GRM5: variants seen among roughly 807,000 people sequenced by gnomAD.
GRM5 encodes the protein metabotropic glutamate receptor 5.
In GRM5, 19 loss-of-function variants were observed where a neutral mutation model predicts 83.1. The ratio of observed to expected loss-of-function variants is 0.23; its 90% CI spans 0.16 to 0.34. The LOEUF is 0.34. GRM5 is among the 10% of genes least tolerant of loss of function. GRM5 has a pLI of 1.00. For synonymous variants in GRM5, 675 were observed against 633.6 expected, an observed-to-expected ratio of 1.07 and a Z score of -0.98; for missense variants, 1,160 against 1,588.3, an observed-to-expected ratio of 0.73 and a Z score of 4.58.
chr11:88,602,005 G>A (rs888074666), intron 5 of GRM5, among the ~76,000 whole-genome samples: 1 of 152,070 alleles, frequency 6.6e-6, no homozygotes, highest in African/African-American at 2.4e-5. Flanking sequence ...GATCTAGTCT[G>A]TTAATGGTAA....
chr11:88,942,695 C>A (rs990795736), intron 2 of GRM5, among the ~76,000 whole-genome samples: 2 of 151,218 alleles, frequency 1.3e-5, no homozygotes, highest in Admixed American at 6.6e-5. Flanking sequence ...ATATAATGAC[C>A]TAGATTTGTC....
At chr11:89,034,079 T>G (rs1337192865) in intron 2 of GRM5, among the ~76,000 whole-genome samples, 2 of 151,620 alleles carry the variant, frequency 1.3e-5, no homozygotes, top group Non-Finnish European at 3.0e-5. Flanking sequence ...AAAAATAAAT[T>G]GTTTCACTGT....
At chr11:88,544,627 G>T (rs114666129) in intron 8 of GRM5, among the ~76,000 whole-genome samples, 5,255 of 152,306 alleles carry the variant, frequency 0.035, 173 homozygotes, top group African/African-American at 0.087. Context: ...TGGCAATACA[G>T]TCCTAGTGTA....
chr11:88,626,422 A>G (rs1030377949), intron 4 of GRM5, among the ~76,000 whole-genome samples: 1 of 152,230 alleles, frequency 6.6e-6, no homozygotes, highest in Non-Finnish European at 1.5e-5. Flanking sequence ...TGTGACTCAT[A>G]GAGATTTCTG....
At chr11:88,859,898 T>A (rs1944533181) in intron 2 of GRM5, among the ~76,000 whole-genome samples, 1 of 152,176 alleles carries the variant, frequency 6.6e-6, no homozygotes, top group Non-Finnish European at 1.5e-5. Context: ...TGCTGATAGT[T>A]GGTGTTTAAA....
At chr11:88,889,895 C>T (rs1945112915) in intron 2 of GRM5, among the ~76,000 whole-genome samples, 1 of 152,104 alleles carries the variant, frequency 6.6e-6, no homozygotes, top group Non-Finnish European at 1.5e-5. Flanking sequence ...CATGAAACCC[C>T]AGGAATTAAG....
chr11:88,871,697 T>C (rs1944771108), intron 2 of GRM5, among the ~76,000 whole-genome samples: 1 of 151,540 alleles, frequency 6.6e-6, no homozygotes. Flanking sequence ...CCCTAGCATA[T>C]TAAGGAAGTT....
intron 2 of GRM5, among the ~76,000 whole-genome samples, chr11:89,010,242 G>A (rs1173084068): frequency 2.0e-5 from 3 of 152,176 alleles, no homozygotes; most frequent in Non-Finnish European, 4.4e-5. Context: ...AAGTTAGAGT[G>A]TGAATATATG....
chr11:88,970,698 C>T (rs183144759), intron 2 of GRM5, among the ~76,000 whole-genome samples: 560 of 152,294 alleles, frequency 3.7e-3, no homozygotes, highest in African/African-American at 0.012. Flanking sequence ...TGTCACATAT[C>T]TGGAATCAAC....
intron 2 of GRM5, among the ~76,000 whole-genome samples, chr11:88,994,485 A>G (rs1418862670): frequency 2.3e-4 from 28 of 123,490 alleles, no homozygotes; most frequent in African/African-American, 8.5e-4. Context: ...ATATATATAT[A>G]TTACAATTGC....
intron 1 of GRM5, among the ~76,000 whole-genome samples, chr11:89,060,238 T>G (rs1441120753): frequency 6.6e-6 from 1 of 151,332 alleles, no homozygotes; most frequent in Non-Finnish European, 1.5e-5. Context: ...ATTTCCATTA[T>G]TTTTGCCTTT....
intron 3 of GRM5, among the ~76,000 whole-genome samples, chr11:88,837,304 C>G (rs892816457): frequency 3.3e-5 from 5 of 152,090 alleles, no homozygotes; most frequent in African/African-American, 1.2e-4. Context: ...TTCTAATATC[C>G]TCACTGCCAT....
intron 2 of GRM5, among the ~76,000 whole-genome samples, chr11:88,969,952 T>A (rs957562855): frequency 3.3e-5 from 5 of 152,130 alleles, no homozygotes; most frequent in African/African-American, 9.7e-5. Context: ...TTATCTCTAA[T>A]GGGAACATAA....
intron 2 of GRM5, among the ~76,000 whole-genome samples, chr11:88,958,335 T>C (rs1938686626): frequency 1.3e-5 from 2 of 151,368 alleles, no homozygotes; most frequent in South Asian, 4.1e-4. Flanking sequence ...ATCATAATTA[T>C]CATTTTCTGC....
intron 2 of GRM5, among the ~76,000 whole-genome samples, chr11:88,883,156 T>C (rs1367848273): frequency 6.6e-6 from 1 of 152,214 alleles, no homozygotes; most frequent in Non-Finnish European, 1.5e-5. Context: ...GAGGTACTTC[T>C]GTAAAGATAC....
At chr11:88,716,362 A>C (rs1166455866) in intron 3 of GRM5, among the ~76,000 whole-genome samples, 1 of 151,828 alleles carries the variant, frequency 6.6e-6, no homozygotes, top group African/African-American at 2.4e-5. Context: ...GATTATTATT[A>C]GGGTGGTGGG....
intron 2 of GRM5, among the ~76,000 whole-genome samples, chr11:88,953,407 T>G (rs612810): frequency 0.87 from 132,442 of 152,204 alleles, 59,485 homozygotes; most frequent in Non-Finnish European, 0.98. Flanking sequence ...TCTTTAAATT[T>G]CAACAGCCTA....
chr11:88,567,130 C>T lies in GRM5; in HGVS notation c.2553G>A (p.Lys851=). The change falls in exon 8 of 10, where the codon AAG becomes AAA. Residue 851 remains lysine, a synonymous_variant. Coordinates refer to ENST00000305447, the MANE Select transcript of GRM5 (RefSeq NM_001143831.3). The surrounding 1 kb of genome is among the most constrained non-coding windows in gnomAD (Gnocchi z 7.3). ...TVVRMHVGDG[K]SSSAASRSSS... ...TGGATCTGCTGGCTGCGGAGGATGA[C>T]TTGCCATCCCCTACATGCATGCGCA... is the stretch of plus-strand genomic sequence containing the variant. The T allele has an allele frequency of 6.2e-7, 1 of 1,614,128 alleles. No individual in the cohort carries two copies. The highest frequency in any genetic ancestry group is 8.5e-7 in the Non-Finnish European group (1 of 1,179,986).
intron 3 of GRM5, among the ~76,000 whole-genome samples, chr11:88,707,313 A>G (rs969820740): frequency 2.0e-5 from 3 of 152,128 alleles, no homozygotes; most frequent in Non-Finnish European, 4.4e-5. Context: ...TAGGTTCTAT[A>G]TAAGTATATC....
Sources: gnomAD v4.1 joint callset for allele counts (sites outside exome capture counted in the v4.1 genomes callset) on GRCh38, gnomAD v4.1.1 for gene constraint, Gnocchi (gnomAD v3.1) non-coding constraint, MANE v1.5 for transcripts, NCBI Gene and HGNC (gene_info 2026-07-23, HGNC 2026-07-21) for gene names.